YBX3: variants seen among roughly 807,000 people sequenced by gnomAD.
YBX3 encodes the protein Y-box binding protein 3, also known as Y-box-binding protein 3.
Under a neutral mutation model 42.4 loss-of-function variants are expected in YBX3, and 29 were observed. The observed-to-expected ratio is 0.68, with a 90% CI of 0.51 to 0.93. YBX3 has a LOEUF of 0.93. Ranked by LOEUF, YBX3 falls within the 40% of genes least tolerant of loss-of-function variation. The pLI is 0.00. For missense variants in YBX3, 517 were observed against 527.5 expected, an observed-to-expected ratio of 0.98 and a Z score of 0.19; for synonymous variants, 195 against 189.8, an observed-to-expected ratio of 1.03 and a Z score of -0.22.
At chr12:10,718,163 T>G in intron 2 of YBX3, 42 bp from the exon 3 acceptor site, 3 of 1,591,806 alleles carry the variant, frequency 1.9e-6, no homozygotes, top group Non-Finnish European at 2.6e-6. Flanking sequence ...GTAGTACGTA[T>G]GTGGAAAAAC....
intron 7 of YBX3, chr12:10,703,562 C>A: frequency 2.3e-6 from 1 of 439,738 alleles, no homozygotes; most frequent in Admixed American, 2.5e-5. Context: ...TGTTTTCAGA[C>A]AGGGTCTCAC....
At position 10,702,029 on chromosome 12, in the gene YBX3, T is replaced by C; in HGVS notation, c.984A>G (p.Gly328=). 1.2e-6 allele frequency: 2 copies of C among 1,614,072 alleles called. No homozygotes were observed. Among genetic ancestry groups the C allele is most frequent in the Non-Finnish European group, 1.7e-6 (2 of 1,179,980 alleles). ...SGPNQPSVRR[G]YRRPYNYRRR... ...GCCGGTAATTGTAGGGACGCCGGTA[T>C]CCACGGCGAACAGACGGCTGGTTTG... The change falls in exon 8 of 10, where the codon GGA becomes GGG. Residue 328 remains glycine, a synonymous_variant. Coordinates refer to ENST00000228251, the MANE Select transcript of YBX3 (RefSeq NM_003651.5).
At chr12:10,709,068 G>GA (rs1359665003) in intron 6 of YBX3, among the ~76,000 whole-genome samples, 2 of 151,872 alleles carry the variant, frequency 1.3e-5, no homozygotes, top group Non-Finnish European at 2.9e-5. Flanking sequence ...AGAGTAGAAG[G>GA]AAAAAAACAA....
intron 8 of YBX3, 51 bp downstream of exon 8, chr12:10,701,909 G>A: frequency 6.4e-7 from 1 of 1,551,498 alleles, no homozygotes; most frequent in East Asian, 2.3e-5. Context: ...GCTAAAGTCT[G>A]ACATGATTAA....
rs1329768095 is a variant in YBX3, at chr12:10,704,114, G to A, written c.815C>T (p.Pro272Leu). ...GEIGEMKDGVPEGAQLQGPVH... is the reference protein window; with the variant it reads ...GEIGEMKDGVLEGAQLQGPVH... Reference sequence around the variant, plus strand: ...CGGTCCCTGAAGTTGTGCTCCCTCTGGGACTCCATCCTTCATCTCTCCAAT... The same window carrying A: ...CGGTCCCTGAAGTTGTGCTCCCTCTAGGACTCCATCCTTCATCTCTCCAAT... Residue 272 changes from proline (P) to leucine (L), a missense_variant, in exon 7 of 10, where the codon CCA becomes CTA. This residue lies in a region of YBX3 where 420 missense variants were observed against 408.5 expected (regional missense o/e 1.03). Coordinates refer to ENST00000228251, the MANE Select transcript of YBX3 (RefSeq NM_003651.5). The A allele has an allele frequency of 6.2e-7, 1 of 1,614,160 alleles. No individual in the cohort carries two copies. Among genetic ancestry groups the A allele is most frequent in the South Asian group, 1.1e-5 (1 of 91,080 alleles).
chr12:10,709,064 G>A (rs1811591711), intron 6 of YBX3, among the ~76,000 whole-genome samples: 1 of 151,950 alleles, frequency 6.6e-6, no homozygotes, highest in South Asian at 2.1e-4. Flanking sequence ...TTGAAGAGTA[G>A]AAGGAAAAAA....
intron 1 of YBX3, among the ~76,000 whole-genome samples, chr12:10,722,595 G>T (rs1468271113): frequency 6.6e-6 from 1 of 152,220 alleles, no homozygotes; most frequent in Non-Finnish European, 1.5e-5. Flanking sequence ...AAACTTTCTG[G>T]CCCGGAACCA....
chr12:10,708,938 T>C (rs1672345166), intron 6 of YBX3, among the ~76,000 whole-genome samples: 2 of 152,242 alleles, frequency 1.3e-5, no homozygotes, highest in Admixed American at 1.3e-4. Context: ...ACTTTTCCTG[T>C]CCTTGTTTCC....
At chr12:10,719,338 A>C in intron 1 of YBX3, among the ~76,000 whole-genome samples, 195 bp from the exon 2 acceptor site, 1 of 152,218 alleles carries the variant, frequency 6.6e-6, no homozygotes, top group East Asian at 1.9e-4. Flanking sequence ...CAGAAGACTA[A>C]ACCTTTCTTC....
intron 8 of YBX3, 66 bp downstream of exon 8, chr12:10,701,894 A>G: frequency 6.6e-7 from 1 of 1,522,286 alleles, no homozygotes; most frequent in Admixed American, 2.2e-5. Context: ...AACCACTTTT[A>G]GAATGCTAAA....
In YBX3 at chr12:10,704,167, C is replaced by T. The variant is rs1948112618; in HGVS notation, c.781-19G>A. 1 of 1,603,838 alleles carries T rather than the reference C, an allele frequency of 6.2e-7. No individual in the cohort carries two copies. The highest frequency in any genetic ancestry group is 1.1e-5 in the South Asian group (1 of 90,826). On this transcript the variant is annotated intron_variant, in intron 6 of 9. Transcript: ENST00000228251. ...CACCAGCCTGGAGAGGCAATGAGAG[C>T]TGACAGTGAGTGTCACAGCACAGGG...
chr12:10,709,956 C>G lies in YBX3; in HGVS notation c.732G>C (p.Gln244His). The change falls in exon 6 of 10, where the codon CAG becomes CAC. Residue 244 changes from glutamine to histidine, a missense_variant. Around this residue, in one of 3 missense-constraint regions of YBX3, gnomAD observed 420 missense variants for 408.5 expected, o/e 1.03. Transcript: ENST00000228251. ...AGACCCGTGAGCGACGGTCAAAGGT[C>G]TGTCCCACGTGGTAAGGCGGGAACC... is the stretch of plus-strand genomic sequence containing the variant. ...QRRFPPYHVG[Q>H]TFDRRSRVLP... 6.2e-7 allele frequency: 1 copy of G among 1,614,244 alleles called. No individual in the cohort carries two copies. The highest frequency in any genetic ancestry group is 8.5e-7 in the Non-Finnish European group (1 of 1,180,022).
In YBX3 at chr12:10,719,153, G is replaced by T. The variant is rs1039118180; in HGVS notation, c.263-10C>A. ...CCAAGGACTTTGGTGGCTAAAATAG[G>T]ATTAAGCAGATAAATTAGTATCTGA... On this transcript the variant is annotated splice_polypyrimidine_tract_variant and intron_variant, in intron 1 of 9. Coordinates refer to ENST00000228251, the MANE Select transcript of YBX3 (RefSeq NM_003651.5). 1.2e-6 allele frequency: 2 copies of T among 1,610,894 alleles called. No individual in the cohort carries two copies. The highest frequency in any genetic ancestry group is 2.7e-5 in the African/African-American group (2 of 74,832).
chr12:10,701,402 G>C (rs1206719373), intron 8 of YBX3, 49 bp from the exon 9 acceptor site: 1 of 777,486 alleles, frequency 1.3e-6, no homozygotes. Flanking sequence ...GATGACAGTG[G>C]AAAGTTCAAG....
chr12:10,704,185 G>T, intron 6 of YBX3, 37 bp from the exon 7 acceptor site: 2 of 1,567,848 alleles, frequency 1.3e-6, no homozygotes, highest in Non-Finnish European at 1.8e-6. Context: ...GAGTGTCACA[G>T]CACAGGGGAT....
At chr12:10,700,925 G>T (rs1375218365) in intron 9 of YBX3, among the ~76,000 whole-genome samples, 9 of 152,096 alleles carry the variant, frequency 5.9e-5, no homozygotes, top group Non-Finnish European at 1.3e-4. Context: ...AACTGTTTCT[G>T]ATTACTAAAA....
rs1233813960 is a variant in YBX3 at position 10,723,101 on chromosome 12, G to A, written c.11C>T (p.Ala4Val). Residue 4 changes from alanine to valine, a missense_variant, in exon 1 of 10, where the codon GCG becomes GTG. Transcript: ENST00000228251. MSE[A>V]GEATTTTTTT... ...GGTGGTGGTGGTGGTGGCCTCGCCC[G>A]CCTCACTCATGCCTCCTCCTCCTCT... 8 of 1,205,778 alleles carry A rather than the reference G, an allele frequency of 6.6e-6. No individual in the cohort carries two copies. The highest frequency in any genetic ancestry group is 1.6e-5 in the African/African-American group (1 of 63,024). The allele number at this position is 1,205,778 out of a possible 1,614,324, so 74.7% of individuals were successfully genotyped here.
intron 1 of YBX3, 38 bp from the exon 2 acceptor site, chr12:10,719,181 TACAG>T (rs746215949): frequency 2.0e-6 from 3 of 1,525,262 alleles, no homozygotes; most frequent in Non-Finnish European, 2.7e-6. Flanking sequence ...GTATCTGACC[TACAG>T]AGAGATATAG....
intron 6 of YBX3, chr12:10,704,372 A>G (rs755152251): frequency 3.5e-5 from 14 of 398,604 alleles, no homozygotes; most frequent in Non-Finnish European, 5.8e-5. Context: ...GCTTAGTCCC[A>G]GAGCACCTAA....
Sources: gnomAD v4.1 joint callset for allele counts (sites outside exome capture counted in the v4.1 genomes callset) on GRCh38, gnomAD v4.1.1 for gene constraint, gnomAD v4.1.1 regional missense constraint, MANE v1.5 for transcripts, NCBI Gene and HGNC (gene_info 2026-07-23, HGNC 2026-07-21) for gene names.